Variants in ITPR1 observed in about 807,000 individuals in gnomAD.
ITPR1 encodes the protein inositol 1,4,5-trisphosphate-gated calcium channel ITPR1.
In ITPR1, 96 loss-of-function variants were observed where a neutral mutation model predicts 318.4. The ratio of observed to expected loss-of-function variants is 0.30; its 90% CI spans 0.26 to 0.36. The LOEUF is 0.36. Ranked by LOEUF, ITPR1 falls within the 10% of genes least tolerant of loss-of-function variation. ITPR1 has a pLI of 1.00. For missense variants in ITPR1, 2,440 were observed against 3,460.2 expected, an observed-to-expected ratio of 0.71 and a Z score of 7.40; for synonymous variants, 1,312 against 1,289.9, an observed-to-expected ratio of 1.02 and a Z score of -0.37.
chr3:4,678,977 G>A (rs963322970), intron 24 of ITPR1, among the ~76,000 whole-genome samples: 1 of 152,180 alleles, frequency 6.6e-6, no homozygotes, highest in African/African-American at 2.4e-5. Context: ...CTTCAAGCGG[G>A]AGCTTAACAT....
At chr3:4,674,488 G>T (rs371658322) in intron 22 of ITPR1, 145 bp downstream of exon 22, 5 of 662,206 alleles carry the variant, frequency 7.6e-6, no homozygotes, top group Non-Finnish European at 1.2e-5. Context: ...GCTTGGTTTT[G>T]TTCCAGAATA....
chr3:4,524,401 G>A (rs2082816584), intron 4 of ITPR1, among the ~76,000 whole-genome samples: 1 of 143,734 alleles, frequency 7.0e-6, no homozygotes, highest in South Asian at 2.3e-4. Flanking sequence ...TGGAGCTGAA[G>A]TCATTTTGAT....
chr3:4,699,762 T>C, intron 34 of ITPR1, 51 bp from the exon 35 acceptor site: 1 of 1,584,318 alleles, frequency 6.3e-7, no homozygotes, highest in Non-Finnish European at 8.6e-7. Context: ...GATTTCTTAA[T>C]GTTTGGTGTA....
chr3:4,752,200 G>A (rs553116848), intron 44 of ITPR1, among the ~76,000 whole-genome samples: 1 of 152,082 alleles, frequency 6.6e-6, no homozygotes, highest in Non-Finnish European at 1.5e-5. Flanking sequence ...CTCACCATAT[G>A]GTATTTGAGA....
intron 40 of ITPR1, among the ~76,000 whole-genome samples, chr3:4,721,562 G>GTT (rs1412236904): frequency 1.9e-4 from 24 of 123,116 alleles, no homozygotes; most frequent in Middle Eastern, 4.4e-3. Flanking sequence ...GTTCACTGTT[G>GTT]GTCTCCTCTG....
Position 4,639,473 on chromosome 3 carries a change from A to T in ITPR1, c.366+3A>T. 6.4e-7 allele frequency: 1 copy of T among 1,566,516 alleles called. No individual in the cohort carries two copies. Among genetic ancestry groups the T allele is most frequent in the East Asian group, 2.3e-5 (1 of 42,962 alleles). ...TCCAGTATGGCAATGTGATCCAGGT[A>T]GGTCAAGGCAGCTCTTCCCTTCTGA... On this transcript the variant is annotated splice_donor_region_variant and intron_variant, in intron 6 of 61. Transcript: ENST00000649015.
chr3:4,787,797 A>G, intron 51 of ITPR1, 150 bp from the exon 52 acceptor site: 1 of 561,918 alleles, frequency 1.8e-6, no homozygotes, highest in Non-Finnish European at 3.1e-6. Context: ...TTTTTTATAT[A>G]AATCTGAGAC....
At chr3:4,678,680 T>G (rs1200373741) in intron 24 of ITPR1, among the ~76,000 whole-genome samples, 1 of 152,154 alleles carries the variant, frequency 6.6e-6, no homozygotes, top group East Asian at 1.9e-4. Flanking sequence ...CTCCACATGG[T>G]AAAGATCAGA....
rs2094143122 is a variant in ITPR1 at position 4,674,261 on chromosome 3, A to G, written c.2516A>G (p.Glu839Gly). ...AAGGAGAGATTTGCTCAGACCATGG[A>G]GTTTGTGGAGGAGTATTTAAGAGAT... ...EIKERFAQTM[E>G]FVEEYLRDVV... Residue 839 changes from glutamate (E) to glycine (G), a missense_variant, in exon 22 of 62, where the codon GAG (glutamate) becomes GGG (glycine). Glu to Gly is a moderately conservative substitution (Grantham distance 98). Coordinates refer to ENST00000649015, the MANE Select transcript of ITPR1 (RefSeq NM_001378452.1). 6.3e-7 allele frequency: 1 copy of G among 1,581,646 alleles called. No individual in the cohort carries two copies. Among genetic ancestry groups the G allele is most frequent in the Non-Finnish European group, 8.6e-7 (1 of 1,161,690 alleles).
chr3:4,733,047 T>C (rs1230229272), intron 42 of ITPR1, 41 bp from the exon 43 acceptor site: 1 of 1,594,976 alleles, frequency 6.3e-7, no homozygotes, highest in Admixed American at 1.7e-5. Flanking sequence ...CGGTGATGCA[T>C]TAAATGCAGA....
chr3:4,540,861 A>G (rs1187468150), intron 4 of ITPR1, among the ~76,000 whole-genome samples: 1 of 151,988 alleles, frequency 6.6e-6, no homozygotes, highest in Non-Finnish European at 1.5e-5. Flanking sequence ...CAGATGTGAG[A>G]CACCACGCCT....
At chr3:4,694,971 C>A (rs146281727) in intron 33 of ITPR1, among the ~76,000 whole-genome samples, 1 of 152,254 alleles carries the variant, frequency 6.6e-6, no homozygotes, top group East Asian at 1.9e-4. Context: ...CTTCCCCACC[C>A]CCTTTTTGTA....
chr3:4,697,683 C>T (rs2094582594), intron 34 of ITPR1, among the ~76,000 whole-genome samples: 1 of 152,010 alleles, frequency 6.6e-6, no homozygotes. Context: ...AACTCCTGAC[C>T]TCAAATGATC....
At chr3:4,623,891 G>A (rs891898466) in intron 4 of ITPR1, among the ~76,000 whole-genome samples, 16 of 152,130 alleles carry the variant, frequency 1.1e-4, no homozygotes, top group East Asian at 9.6e-4. Context: ...ACTCTGTTTC[G>A]CCCAAGGAAA....
At chr3:4,789,425 TG>T (rs1451496790) in intron 52 of ITPR1, among the ~76,000 whole-genome samples, 13 of 152,130 alleles carry the variant, frequency 8.5e-5, no homozygotes, top group Admixed American at 7.2e-4. Context: ...GCACCATGCT[TG>T]GGCAATAAGA....
intron 32 of ITPR1, among the ~76,000 whole-genome samples, chr3:4,692,054 TC>T (rs2094488201): frequency 6.6e-6 from 1 of 150,974 alleles, no homozygotes; most frequent in South Asian, 2.1e-4. Context: ...CAGAGGAAGA[TC>T]CCTTGAGCCC....
intron 16 of ITPR1, among the ~76,000 whole-genome samples, 167 bp downstream of exon 16, chr3:4,663,373 C>T (rs1014096987): frequency 1.3e-5 from 2 of 151,990 alleles, no homozygotes; most frequent in Non-Finnish European, 2.9e-5. Flanking sequence ...TGCCCTCCAG[C>T]CTGGGTGACA....
At position 4,759,382 on chromosome 3, in the gene ITPR1, G is replaced by C. The variant is rs372595686; in HGVS notation, c.5545-7148G>C. Among the ~76,000 whole-genome samples the C allele has an allele frequency of 1.1e-4, 16 of 152,342 alleles. No individual in the cohort carries two copies. The South Asian group carries it at 2.9e-3, about 28-fold the overall frequency. On this transcript the variant is annotated intron_variant, in intron 44 of 61. Transcript: ENST00000649015. ...TCAGTCAACCCAAGGAGGGAAAACTGTCTACTTGACAATTATCAGAAGGTA... is the reference window on the plus strand; with the variant it reads ...TCAGTCAACCCAAGGAGGGAAAACTCTCTACTTGACAATTATCAGAAGGTA...
At chr3:4,621,689 C>A (rs2092640333) in intron 4 of ITPR1, among the ~76,000 whole-genome samples, 1 of 152,242 alleles carries the variant, frequency 6.6e-6, no homozygotes, top group African/African-American at 2.4e-5. Context: ...TTCTGCTTCC[C>A]TCTCAAGCCT....
Sources: gnomAD v4.1 joint callset for allele counts (sites outside exome capture counted in the v4.1 genomes callset) on GRCh38, gnomAD v4.1.1 for gene constraint, MANE v1.5 for transcripts, NCBI Gene and HGNC (gene_info 2026-07-23, HGNC 2026-07-21) for gene names.